POU2F1: variants seen among roughly 807,000 people sequenced by gnomAD.
The protein encoded by POU2F1 is POU domain, class 2, transcription factor 1.
In POU2F1, 16 loss-of-function variants were observed where a neutral mutation model predicts 84.9. The ratio of observed to expected loss-of-function variants is 0.19; its 90% CI spans 0.13 to 0.29. The LOEUF (loss-of-function observed/expected upper bound fraction) is 0.29, where lower values mean the gene tolerates loss of function less well. Ranked by LOEUF, POU2F1 falls within the 10% of genes least tolerant of loss-of-function variation. The pLI is 1.00. For missense variants in POU2F1, 738 were observed against 942.6 expected, an observed-to-expected ratio of 0.78 and a Z score of 2.84; for synonymous variants, 368 against 368.3, an observed-to-expected ratio of 1.00 and a Z score of 0.01.
rs368267686 is a variant in POU2F1 at position 167,389,957 on chromosome 1, C to A, written c.987+196C>A. Among the ~76,000 whole-genome samples the A allele has an allele frequency of 5.3e-5, 8 of 152,282 alleles. No homozygotes were observed. In the South Asian group the frequency reaches 1.7e-3, roughly 32 times the overall value. ...TGCCATTATTTCCTAAACAATACAA[C>A]AATTTACATAGCATTTACATTATAT... On this transcript the variant is annotated intron_variant, in intron 9 of 15. Transcript: ENST00000367866.
intron 7 of POU2F1, chr1:167,379,845 ATAG>A (rs1344304236): frequency 2.0e-5 from 3 of 152,174 alleles, no homozygotes; most frequent in African/African-American, 7.2e-5. Flanking sequence ...TCAAATCAAG[ATAG>A]TAGGAATAAT....
Position 167,237,772 on chromosome 1 carries a change from A to ATT in POU2F1, c.61+16840_61+16841dup, listed in dbSNP as rs1216931950. 3.3e-4 allele frequency among the ~76,000 whole-genome samples: 10 copies of ATT among 29,934 alleles called. 1 individual carries two copies. The highest frequency in any genetic ancestry group is 1.4e-3 in the African/African-American group (9 of 6,634). The allele number at this position is 29,934 out of a possible 152,430, so 19.6% of individuals were successfully genotyped here. ...TATATATATATATATATATATATAT[A>ATT]TTTTTTTTTTTTTTTTTTTTTTTTT... On this transcript the variant is annotated intron_variant, in intron 1 of 15. Transcript: ENST00000367866.
intron 1 of POU2F1, among the ~76,000 whole-genome samples, chr1:167,330,380 A>C (rs746198919): frequency 6.6e-6 from 1 of 152,306 alleles, no homozygotes; most frequent in Admixed American, 6.5e-5. Flanking sequence ...TGCCCAGCAC[A>C]GTAAAAGCCA....
intron 2 of POU2F1, among the ~76,000 whole-genome samples, chr1:167,363,784 A>C (rs935656262): frequency 2.0e-5 from 3 of 152,250 alleles, no homozygotes; most frequent in Admixed American, 6.5e-5. Context: ...CATATCTTTT[A>C]TAATTATCTC....
At chr1:167,383,156 T>C (rs1023432195) in intron 7 of POU2F1, among the ~76,000 whole-genome samples, 3 of 152,176 alleles carry the variant, frequency 2.0e-5, no homozygotes, top group Admixed American at 6.5e-5. Flanking sequence ...TCTGAAACTC[T>C]TTACTTAAAC....
intron 2 of POU2F1, among the ~76,000 whole-genome samples, chr1:167,334,394 A>C (rs1657294545): frequency 6.6e-6 from 1 of 151,922 alleles, no homozygotes; most frequent in Admixed American, 6.6e-5. Flanking sequence ...CTCTGTGGGC[A>C]TTACCTGATT....
intron 2 of POU2F1, among the ~76,000 whole-genome samples, chr1:167,344,065 G>A (rs1166114943): frequency 6.6e-6 from 1 of 151,928 alleles, no homozygotes; most frequent in Non-Finnish European, 1.5e-5. Flanking sequence ...ACTGCATGTG[G>A]CTCTTTAAAT....
At chr1:167,225,806 CTTG>C (rs1648586174) in intron 1 of POU2F1, among the ~76,000 whole-genome samples, 2 of 152,182 alleles carry the variant, frequency 1.3e-5, no homozygotes, top group African/African-American at 2.4e-5. Context: ...TAGTGATTGC[CTTG>C]TTGTTATCGG....
At chr1:167,359,717 G>A (rs1048881128) in intron 2 of POU2F1, among the ~76,000 whole-genome samples, 8 of 151,614 alleles carry the variant, frequency 5.3e-5, no homozygotes, top group Admixed American at 3.9e-4. Context: ...TTGCTAGGTT[G>A]AATGGTAATT....
intron 2 of POU2F1, among the ~76,000 whole-genome samples, chr1:167,353,902 C>G (rs982144669): frequency 6.6e-6 from 1 of 152,202 alleles, no homozygotes; most frequent in Non-Finnish European, 1.5e-5. Context: ...TAACCACTAT[C>G]CCGAAGTTAG....
intron 1 of POU2F1, among the ~76,000 whole-genome samples, chr1:167,277,985 G>C (rs971788422): frequency 6.6e-6 from 1 of 152,024 alleles, no homozygotes; most frequent in Non-Finnish European, 1.5e-5. Context: ...TGTTAAATTT[G>C]TTCTGTACAC....
At chr1:167,361,189 TG>T (rs1163807054) in intron 2 of POU2F1, among the ~76,000 whole-genome samples, 10 of 152,310 alleles carry the variant, frequency 6.6e-5, no homozygotes, top group Admixed American at 5.9e-4. Flanking sequence ...CTTGCCTGAT[TG>T]CTCTGGCAAG....
chr1:167,321,809 G>C (rs1292629896), intron 1 of POU2F1, among the ~76,000 whole-genome samples: 1 of 152,086 alleles, frequency 6.6e-6, no homozygotes, highest in Non-Finnish European at 1.5e-5. Flanking sequence ...TCCCATACCA[G>C]GGACATACCC....
At chr1:167,323,705 T>TATTC (rs1656488890) in intron 1 of POU2F1, among the ~76,000 whole-genome samples, 1 of 152,190 alleles carries the variant, frequency 6.6e-6, no homozygotes, top group Non-Finnish European at 1.5e-5. Flanking sequence ...TTTATTTATT[T>TATTC]ATTTACAGAT....
At chr1:167,272,691 A>G (rs1397168078) in intron 1 of POU2F1, among the ~76,000 whole-genome samples, 5 of 152,190 alleles carry the variant, frequency 3.3e-5, no homozygotes, top group African/African-American at 1.2e-4. Context: ...GCAAGGGGGA[A>G]GACTACCCCC....
intron 1 of POU2F1, among the ~76,000 whole-genome samples, chr1:167,287,728 G>T (rs1189935845): frequency 6.6e-6 from 1 of 152,152 alleles, no homozygotes; most frequent in Non-Finnish European, 1.5e-5. Context: ...GTTCTCAGCT[G>T]CTATCAGTTT....
At position 167,239,072 on chromosome 1, in the gene POU2F1, A is replaced by G. The variant is rs542532565; in HGVS notation, c.61+18114A>G. On this transcript the variant is annotated intron_variant, in intron 1 of 15. Transcript: ENST00000367866. The stretch of plus-strand genomic sequence containing the variant: ...GTGTATGGTGTAAGGTGTAACCCTG[A>G]CAAACTTTTTTTCCCCCCCAAATGG... Among the ~76,000 whole-genome samples the G allele has an allele frequency of 2.2e-4, 34 of 152,274 alleles. No individual in the cohort carries two copies. In the South Asian group the frequency reaches 6.2e-3, roughly 28 times the overall value.
rs1011764436 is a variant in POU2F1, at chr1:167,410,538, C to T, written c.1556-1421C>T. ...TTATTATTATTATTATTATTTTTAA[C>T]GGAGTCTTACTTCGTCACCCAGACT... On this transcript the variant is annotated intron_variant, in intron 13 of 15. Transcript: ENST00000367866. Among the ~76,000 whole-genome samples the T allele has an allele frequency of 1.9e-4, 28 of 151,210 alleles. No homozygotes were observed. In the Middle Eastern group the frequency reaches 0.014, roughly 74 times the overall value.
intron 1 of POU2F1, among the ~76,000 whole-genome samples, chr1:167,260,463 T>G (rs76354108): frequency 0.014 from 2,062 of 152,306 alleles, 46 homozygotes; most frequent in African/African-American, 0.047. Context: ...ATCTTCAGAT[T>G]CTCGTATGTT....
Sources: allele counts gnomAD v4.1 joint callset (sites outside exome capture counted in the v4.1 genomes callset), GRCh38; gene constraint gnomAD v4.1.1; transcripts MANE v1.5; gene names NCBI Gene and HGNC (gene_info 2026-07-23, HGNC 2026-07-21).